ANKRD44: variants seen among roughly 807,000 people sequenced by gnomAD.
ANKRD44 encodes the protein ankyrin repeat domain 44.
ANKRD44 carries 35 observed loss-of-function variants against 116.0 expected under a neutral mutation model. That is an observed-to-expected ratio of 0.30 (90% CI 0.23 to 0.40). ANKRD44 has a LOEUF of 0.40. Among genes scored for constraint, ANKRD44 ranks in the 10% least tolerant of loss-of-function variants. The probability of loss-of-function intolerance (pLI) is 1.00; values close to 1 mark genes in which losing one functional copy is unlikely to be tolerated. For synonymous variants in ANKRD44, 435 were observed against 461.8 expected, an observed-to-expected ratio of 0.94 and a Z score of 0.74; for missense variants, 1,014 against 1,242.6, an observed-to-expected ratio of 0.82 and a Z score of 2.77.
At chr2:197,105,736 A>G (rs2078410257) in intron 9 of ANKRD44, among the ~76,000 whole-genome samples, 1 of 152,222 alleles carries the variant, frequency 6.6e-6, no homozygotes, top group South Asian at 2.1e-4. Context: ...AGATCAATTC[A>G]TTTTATGACT....
At chr2:197,221,791 G>A (rs1202207277) in intron 1 of ANKRD44, among the ~76,000 whole-genome samples, 1 of 152,150 alleles carries the variant, frequency 6.6e-6, no homozygotes, top group East Asian at 1.9e-4. Flanking sequence ...TGATAGACAG[G>A]GGAAGAAATT....
In ANKRD44 at chr2:197,310,766, C is replaced by G; in HGVS notation, c.-162G>C. 1.6e-6 allele frequency: 1 copy of G among 639,078 alleles called. No individual in the cohort carries two copies. The highest frequency in any genetic ancestry group is 2.1e-6 in the Non-Finnish European group (1 of 466,590). The allele number at this position is 639,078 out of a possible 1,614,324, so 39.6% of individuals were successfully genotyped here. On this transcript the variant is annotated 5_prime_UTR_variant, in exon 1 of 28. Transcript: ENST00000282272. Reference sequence around the variant, plus strand: ...CTCCTCCGCCGCCGCCTCCTCCCGCCGAGAGGCTGACACTGGCTAGTGGGG... The same window carrying G: ...CTCCTCCGCCGCCGCCTCCTCCCGCGGAGAGGCTGACACTGGCTAGTGGGG...
chr2:197,003,738 A>G (rs1424749344), intron 21 of ANKRD44, among the ~76,000 whole-genome samples: 4 of 152,116 alleles, frequency 2.6e-5, no homozygotes, highest in African/African-American at 9.7e-5. Flanking sequence ...CGCCATTATA[A>G]TCAGCACTCT....
At chr2:197,021,579 T>C (rs1241315880) in intron 17 of ANKRD44, among the ~76,000 whole-genome samples, 1 of 152,264 alleles carries the variant, frequency 6.6e-6, no homozygotes, top group Non-Finnish European at 1.5e-5. Flanking sequence ...CATGTGTCTA[T>C]TGGGTACATA....
At chr2:197,026,330 G>A (rs1346823931) in intron 16 of ANKRD44, among the ~76,000 whole-genome samples, 1 of 152,246 alleles carries the variant, frequency 6.6e-6, no homozygotes, top group Non-Finnish European at 1.5e-5. Flanking sequence ...TGCTATGGTA[G>A]AGAAGGAAGG....
At chr2:197,215,970 G>T (rs907618787) in intron 1 of ANKRD44, among the ~76,000 whole-genome samples, 1 of 152,162 alleles carries the variant, frequency 6.6e-6, no homozygotes, top group Non-Finnish European at 1.5e-5. Context: ...GCATCTGGCA[G>T]TTCTCTTCCA....
intron 13 of ANKRD44, among the ~76,000 whole-genome samples, chr2:197,084,375 T>A (rs139014488): frequency 1.4e-3 from 219 of 152,292 alleles, no homozygotes; most frequent in African/African-American, 5.1e-3. Flanking sequence ...TTCTCTTTAG[T>A]TTGTCTAAGA....
At position 197,310,762 on chromosome 2, in the gene ANKRD44, C is replaced by A; in HGVS notation, c.-158G>T. The A allele has an allele frequency of 1.5e-6, 1 of 665,792 alleles. No individual in the cohort carries two copies. Among genetic ancestry groups the A allele is most frequent in the Non-Finnish European group, 2.0e-6 (1 of 490,696 alleles). The allele number at this position is 665,792 out of a possible 1,614,324, so 41.2% of individuals were successfully genotyped here. On this transcript the variant is annotated 5_prime_UTR_variant, in exon 1 of 28. Coordinates refer to ENST00000282272, the MANE Select transcript of ANKRD44 (RefSeq NM_001195144.2). ...GCTCCTCCTCCGCCGCCGCCTCCTC[C>A]CGCCGAGAGGCTGACACTGGCTAGT...
At chr2:197,208,577 G>A (rs1433114769) in intron 1 of ANKRD44, among the ~76,000 whole-genome samples, 1 of 152,116 alleles carries the variant, frequency 6.6e-6, no homozygotes, top group Non-Finnish European at 1.5e-5. Context: ...GAGGAGGGCA[G>A]ATCACGAGGT....
intron 2 of ANKRD44, among the ~76,000 whole-genome samples, chr2:197,177,456 T>C (rs1308654664): frequency 6.6e-6 from 1 of 152,064 alleles, no homozygotes; most frequent in Non-Finnish European, 1.5e-5. Context: ...TCACCGTGAG[T>C]AGTAAGTACC....
rs1472211987 is a variant in ANKRD44 at position 197,139,851 on chromosome 2, TGTGTG to T, written c.191-3194_191-3190del. 0.013 allele frequency among the ~76,000 whole-genome samples: 66 copies of T among 5,044 alleles called. No homozygotes were observed. The East Asian group carries it at 0.4, about 30-fold the overall frequency. 3.3% of individuals were successfully genotyped at this position (5,044 alleles called of 152,430 possible). A position where few individuals can be genotyped will look rare whatever the true frequency, so the allele number is the denominator to read the frequency against. ...GGGAGGGGGGACTAAGCTGCTTTTG[TGTGTG>T]TGTGTGTGTGTGTGTGTGTGTGTGT... On this transcript the variant is annotated intron_variant, in intron 3 of 27. Transcript: ENST00000282272.
At chr2:197,227,661 G>A (rs2081751458) in intron 1 of ANKRD44, among the ~76,000 whole-genome samples, 1 of 151,950 alleles carries the variant, frequency 6.6e-6, no homozygotes, top group Admixed American at 6.6e-5. Context: ...GTGAGAATAA[G>A]GCATCAGAAC....
intron 1 of ANKRD44, among the ~76,000 whole-genome samples, chr2:197,258,087 T>TTTTA (rs979551820): frequency 2.0e-5 from 3 of 151,862 alleles, no homozygotes; most frequent in Non-Finnish European, 2.9e-5. Flanking sequence ...TATTTTTTCT[T>TTTTA]TTTATTTATT....
chr2:197,084,058 T>A (rs1176485127), intron 13 of ANKRD44, among the ~76,000 whole-genome samples: 2 of 152,186 alleles, frequency 1.3e-5, no homozygotes, highest in African/African-American at 2.4e-5. Context: ...AAGAATTTTT[T>A]TTAAGGTGCA....
At chr2:197,164,265 C>T (rs1038634970) in intron 2 of ANKRD44, among the ~76,000 whole-genome samples, 2 of 152,208 alleles carry the variant, frequency 1.3e-5, no homozygotes, top group Non-Finnish European at 2.9e-5. Context: ...CCGCCGGCTG[C>T]GTCTGGGTAG....
In ANKRD44 at chr2:197,110,804, T is replaced by G; in HGVS notation, c.947A>C (p.His316Pro). ...GKSPLHMTAV[H>P]GRFTRSQTLI... ...GGTCTGTGACCGTGTGAACCTTCCA[T>G]GGACAGCTGTCATGTGCAGTGGACT... Residue 316 changes from histidine (H) to proline (P), a missense_variant, in exon 9 of 28, where the codon CAT becomes CCT. Coordinates refer to ENST00000282272, the MANE Select transcript of ANKRD44 (RefSeq NM_001195144.2). 2 of 1,614,092 alleles carry G rather than the reference T, an allele frequency of 1.2e-6. No individual in the cohort carries two copies. The highest frequency in any genetic ancestry group is 1.7e-6 in the Non-Finnish European group (2 of 1,180,010).
rs188832960 is a variant in ANKRD44 at position 197,093,197 on chromosome 2, A to G, written c.1101-3165T>C. 3.5e-3 allele frequency among the ~76,000 whole-genome samples: 536 copies of G among 152,164 alleles called. 1 individual carries two copies. Among genetic ancestry groups the G allele is most frequent in the African/African-American group, 0.012 (489 of 41,530 alleles). ...TATACAATATAGTTTATAAAGTTCC[A>G]TATGTATCTTTATGTAAAATAATAC... is the stretch of plus-strand genomic sequence containing the variant. On this transcript the variant is annotated intron_variant, in intron 10 of 27. Coordinates refer to ENST00000282272, the MANE Select transcript of ANKRD44 (RefSeq NM_001195144.2).
intron 1 of ANKRD44, among the ~76,000 whole-genome samples, chr2:197,268,331 A>G (rs2082794914): frequency 6.6e-6 from 1 of 152,246 alleles, no homozygotes; most frequent in Non-Finnish European, 1.5e-5. Flanking sequence ...CACGGGAAAT[A>G]GGAGGCAAAG....
intron 16 of ANKRD44, among the ~76,000 whole-genome samples, chr2:197,069,170 C>T (rs555470143): frequency 6.6e-6 from 1 of 152,170 alleles, no homozygotes; most frequent in African/African-American, 2.4e-5. Flanking sequence ...AAGCTGGAAA[C>T]CATCATTCTC....
Sources: allele counts gnomAD v4.1 joint callset (sites outside exome capture counted in the v4.1 genomes callset), GRCh38; gene constraint gnomAD v4.1.1; transcripts MANE v1.5; gene names NCBI Gene and HGNC (gene_info 2026-07-23, HGNC 2026-07-21).